Variants in FRAS1 observed in about 807,000 individuals in gnomAD.
FRAS1 encodes the protein Fraser extracellular matrix complex subunit 1.
A neutral mutation model predicts 435.2 loss-of-function variants in FRAS1; 290 were observed. The ratio of observed to expected loss-of-function variants is 0.67; its 90% confidence interval spans 0.61 to 0.73. The LOEUF (loss-of-function observed/expected upper bound fraction) is 0.73, where lower values mean the gene tolerates loss of function less well. Among genes scored for constraint, FRAS1 ranks in the 30% least tolerant of loss-of-function variants. The probability of loss-of-function intolerance (pLI) is 0.00; values close to 1 mark genes in which losing one functional copy is unlikely to be tolerated. For missense variants in FRAS1, 4,860 were observed against 5,001.5 expected, an observed-to-expected ratio of 0.97 and a Z score of 0.85; for synonymous variants, 1,800 against 1,851.0, an observed-to-expected ratio of 0.97 and a Z score of 0.71.
At chr4:78,236,098 A>C (rs906789014) in intron 2 of FRAS1, among the ~76,000 whole-genome samples, 2 of 152,208 alleles carry the variant, frequency 1.3e-5, no homozygotes, top group Non-Finnish European at 2.9e-5. Context: ...TTGGTTGCAA[A>C]TGCTTCTCAG....
rs1334998360 is a variant in FRAS1, at chr4:78,475,588, T to C, written c.7833T>C (p.Tyr2611=). The C allele has an allele frequency of 5.6e-6, 9 of 1,599,870 alleles. No individual in the cohort carries two copies. The highest frequency in any genetic ancestry group is 7.7e-6 in the Non-Finnish European group (9 of 1,170,246). The change falls in exon 54 of 74, where the codon TAT becomes TAC. Residue 2611 remains tyrosine (Y), a synonymous_variant. Transcript: ENST00000512123. ...RVSSQPGQQD[Y]VEYAGQVQFD... ...GCTCCCAACCTGGGCAACAGGACTA[T>C]GTAGAGTATGCTGGCCAGGTAGGTG...
At chr4:78,516,972 C>T (rs949141558) in intron 66 of FRAS1, among the ~76,000 whole-genome samples, 4 of 152,240 alleles carry the variant, frequency 2.6e-5, no homozygotes, top group Admixed American at 1.3e-4. Context: ...CAGAGAAGGG[C>T]GGTTATATCA....
At chr4:78,278,787 C>A in intron 10 of FRAS1, 43 bp downstream of exon 10, 1 of 1,111,606 alleles carries the variant, frequency 9.0e-7, no homozygotes. Context: ...CAAATTAATT[C>A]AAAATTAATC....
chr4:78,426,844 G>A (rs553446122), intron 35 of FRAS1, among the ~76,000 whole-genome samples: 136 of 152,324 alleles, frequency 8.9e-4, no homozygotes, highest in African/African-American at 3.1e-3. Flanking sequence ...CTGCACCCAA[G>A]TGATAGCTAG....
chr4:78,485,538 T>C (rs1478513530), intron 58 of FRAS1, among the ~76,000 whole-genome samples: 1 of 152,178 alleles, frequency 6.6e-6, no homozygotes, highest in Non-Finnish European at 1.5e-5. Context: ...TCCCAAAACC[T>C]ATTTCAGTAA....
Position 78,123,149 on chromosome 4 carries a change from T to C in FRAS1, c.108+57133T>C, listed in dbSNP as rs193126280. On this transcript the variant is annotated intron_variant, in intron 2 of 73. Coordinates refer to ENST00000512123, the MANE Select transcript of FRAS1 (RefSeq NM_025074.7). ...TCTTTGATCCATGTTCAGTTGATTT[T>C]TGTATAAGGTGTAAGGAAAGGGTCC... Among the ~76,000 whole-genome samples the C allele has an allele frequency of 3.2e-3, 490 of 152,338 alleles. 4 individuals carry two copies. Among genetic ancestry groups the C allele is most frequent in the African/African-American group, 0.011 (469 of 41,582 alleles).
intron 9 of FRAS1, among the ~76,000 whole-genome samples, chr4:78,274,726 A>G (rs535600454): frequency 9.8e-5 from 15 of 152,304 alleles, no homozygotes; most frequent in Admixed American, 6.5e-4. Flanking sequence ...TGAGTGCTTT[A>G]CTTCCAACTA....
intron 2 of FRAS1, among the ~76,000 whole-genome samples, chr4:78,088,571 C>G (rs1221380909): frequency 7.1e-6 from 1 of 141,680 alleles, no homozygotes; most frequent in East Asian, 1.9e-4. Context: ...TGAACTCAAA[C>G]AAATTTCCAA....
At chr4:78,326,989 T>G (rs1729744549) in intron 18 of FRAS1, among the ~76,000 whole-genome samples, 1 of 152,082 alleles carries the variant, frequency 6.6e-6, no homozygotes, top group African/African-American at 2.4e-5. Flanking sequence ...AGATGTGATT[T>G]TTACTCTTAA....
intron 20 of FRAS1, among the ~76,000 whole-genome samples, chr4:78,347,941 A>G (rs139159755): frequency 4.1e-4 from 62 of 152,234 alleles, no homozygotes; most frequent in Non-Finnish European, 4.9e-4. Flanking sequence ...TGTGGAGCTA[A>G]ACTGAGTAAA....
At chr4:78,509,527 A>G (rs1184811804) in intron 63 of FRAS1, among the ~76,000 whole-genome samples, 1 of 152,222 alleles carries the variant, frequency 6.6e-6, no homozygotes, top group Non-Finnish European at 1.5e-5. Flanking sequence ...GATGGCACAT[A>G]GAGGGGACCA....
intron 2 of FRAS1, among the ~76,000 whole-genome samples, chr4:78,142,243 A>T (rs1029268187): frequency 2.6e-5 from 4 of 151,998 alleles, no homozygotes; most frequent in Non-Finnish European, 5.9e-5. Flanking sequence ...CAGGAAATAG[A>T]CTAGCCCCAT....
chr4:78,312,147 T>A (rs1729049134), intron 15 of FRAS1, among the ~76,000 whole-genome samples: 1 of 147,232 alleles, frequency 6.8e-6, no homozygotes, highest in Non-Finnish European at 1.5e-5. Context: ...TGATGTTTTA[T>A]CTTAACTTAG....
chr4:78,420,912 ATATATATATT>A (rs1271981913), intron 33 of FRAS1, among the ~76,000 whole-genome samples: 5 of 87,840 alleles, frequency 5.7e-5, no homozygotes, highest in African/African-American at 1.9e-4. Context: ...ATATATATAT[ATATATATATT>A]TATATAAAGG....
chr4:78,374,366 G>A (rs1207439568), intron 25 of FRAS1, 115 bp downstream of exon 25: 1 of 1,074,290 alleles, frequency 9.3e-7, no homozygotes, highest in African/African-American at 1.6e-5. Flanking sequence ...TGAAAGCCCA[G>A]AGGGCTTAGC....
At chr4:78,079,093 G>A (rs1369886264) in intron 2 of FRAS1, among the ~76,000 whole-genome samples, 1 of 152,170 alleles carries the variant, frequency 6.6e-6, no homozygotes, top group Non-Finnish European at 1.5e-5. Context: ...GATAATAGAT[G>A]AGAAGAGCAT....
chr4:78,454,862 G>A (rs1426116337), intron 47 of FRAS1, among the ~76,000 whole-genome samples: 3 of 152,166 alleles, frequency 2.0e-5, no homozygotes, highest in Non-Finnish European at 4.4e-5. Flanking sequence ...TTAAAATCTG[G>A]TTACTGAAAC....
intron 29 of FRAS1, among the ~76,000 whole-genome samples, chr4:78,397,520 C>T (rs536831758): frequency 1.2e-4 from 18 of 152,064 alleles, no homozygotes; most frequent in African/African-American, 4.1e-4. Context: ...GGGGTGCTGG[C>T]TATGGGAGGG....
At chr4:78,175,701 A>G (rs933800711) in intron 2 of FRAS1, among the ~76,000 whole-genome samples, 1 of 152,206 alleles carries the variant, frequency 6.6e-6, no homozygotes, top group African/African-American at 2.4e-5. Context: ...GTCATCTTAC[A>G]GGAATTGTGG....
Sources: allele counts gnomAD v4.1 joint callset (sites outside exome capture counted in the v4.1 genomes callset), GRCh38; gene constraint gnomAD v4.1.1; transcripts MANE v1.5; gene names NCBI Gene and HGNC (gene_info 2026-07-23, HGNC 2026-07-21).